IL1RAPL1: variants seen among roughly 807,000 people sequenced by gnomAD.
IL1RAPL1 encodes interleukin-1 receptor accessory protein-like 1.
A neutral mutation model predicts 48.4 loss-of-function variants in IL1RAPL1; 3 were observed. The ratio of observed to expected loss-of-function variants is 0.06; its 90% CI spans 0.03 to 0.16. The LOEUF is 0.16. IL1RAPL1 is among the 10% of genes least tolerant of loss of function. IL1RAPL1 has a pLI of 1.00. For missense variants in IL1RAPL1, 349 were observed against 530.6 expected (o/e 0.66, Z 3.36); for synonymous variants, 185 against 187.7 (o/e 0.99, Z 0.12).
chrX:29,577,251 C>T (rs1922807481), intron 5 of IL1RAPL1, among the ~76,000 whole-genome samples: 1 of 111,431 alleles, frequency 9.0e-6, no homozygotes, highest in Non-Finnish European at 1.9e-5. Flanking sequence ...ATAATTTATG[C>T]ACATTTTATA....
At chrX:29,367,067 A>G (rs1471134445) in intron 3 of IL1RAPL1, among the ~76,000 whole-genome samples, 1 of 111,477 alleles carries the variant, frequency 9.0e-6, no homozygotes, top group Non-Finnish European at 1.9e-5. Flanking sequence ...ATCTTAACAT[A>G]TATTGTTTAG....
chrX:29,748,887 G>A (rs1482602777), intron 6 of IL1RAPL1, among the ~76,000 whole-genome samples: 1 of 110,734 alleles, frequency 9.0e-6, no homozygotes, highest in Non-Finnish European at 1.9e-5. Context: ...CTGTTTTAGA[G>A]TCATCTAAAA....
Position 29,792,352 on chromosome X carries a change from CT to C in IL1RAPL1, c.778+123856del, listed in dbSNP as rs747276652. On this transcript the variant is annotated intron_variant, in intron 6 of 10. Coordinates refer to ENST00000378993, the MANE Select transcript of IL1RAPL1 (RefSeq NM_014271.4). ...AATCCCACATTTAGAGTTTTAATTT[CT>C]TTTTTTTAAATTAAACAACAGAAAT... Among the ~76,000 whole-genome samples, 11 of 111,395 alleles carry C rather than the reference CT, an allele frequency of 9.9e-5. No homozygotes were observed. In the East Asian group the frequency reaches 2.8e-3, roughly 29 times the overall value.
chrX:28,675,188 G>A (rs1056332338), intron 1 of IL1RAPL1, among the ~76,000 whole-genome samples: 1 of 111,240 alleles, frequency 9.0e-6, no homozygotes, highest in Admixed American at 9.6e-5. Flanking sequence ...GACAATAGCA[G>A]CAATGTATGG....
chrX:29,189,199 C>T (rs1002531241), intron 2 of IL1RAPL1, among the ~76,000 whole-genome samples: 4 of 112,017 alleles, frequency 3.6e-5, no homozygotes, highest in Non-Finnish European at 7.5e-5. Flanking sequence ...CATTTTGCAA[C>T]GTATTGCCAT....
At chrX:29,356,508 C>T (rs1349690917) in intron 3 of IL1RAPL1, among the ~76,000 whole-genome samples, 1 of 80,526 alleles carries the variant, frequency 1.2e-5, no homozygotes, top group Non-Finnish European at 2.5e-5. Context: ...TGCATATATA[C>T]ACACACATAT....
At chrX:29,640,411 G>C in intron 5 of IL1RAPL1, among the ~76,000 whole-genome samples, 1 of 112,215 alleles carries the variant, frequency 8.9e-6, no homozygotes, top group South Asian at 3.8e-4. Flanking sequence ...ATTTATGTCT[G>C]TGGCCCTGAT....
chrX:29,565,870 A>G (rs891658268), intron 5 of IL1RAPL1, among the ~76,000 whole-genome samples: 4 of 112,607 alleles, frequency 3.6e-5, no homozygotes, highest in Non-Finnish European at 7.5e-5. Context: ...ATGTGGTAAG[A>G]CATGTAATGA....
chrX:29,755,803 G>C (rs1203049206), intron 6 of IL1RAPL1, among the ~76,000 whole-genome samples: 1 of 112,245 alleles, frequency 8.9e-6, no homozygotes, highest in Non-Finnish European at 1.9e-5. Context: ...TTTTGTGAGT[G>C]ACATCACAAA....
At chrX:29,552,802 CTTTTT>C (rs765234944) in intron 5 of IL1RAPL1, among the ~76,000 whole-genome samples, 3 of 23,010 alleles carry the variant, frequency 1.3e-4, no homozygotes, top group African/African-American at 5.3e-4. Context: ...TTTCACTCTC[CTTTTT>C]TTTTTTTTTT....
chrX:29,571,710 C>T (rs944995545), intron 5 of IL1RAPL1, among the ~76,000 whole-genome samples: 2 of 111,463 alleles, frequency 1.8e-5, no homozygotes, highest in Non-Finnish European at 3.8e-5. Flanking sequence ...TTGTGGCATA[C>T]AGTTACATAT....
intron 5 of IL1RAPL1, among the ~76,000 whole-genome samples, chrX:29,412,273 A>G (rs1934153763): frequency 9.7e-6 from 1 of 102,605 alleles, no homozygotes; most frequent in Admixed American, 1.2e-4. Context: ...TCCATCAAAA[A>G]AAAAGAAAAA....
chrX:28,958,921 T>C (rs1332251162), intron 2 of IL1RAPL1, among the ~76,000 whole-genome samples: 1 of 111,673 alleles, frequency 9.0e-6, no homozygotes, highest in African/African-American at 3.2e-5. Context: ...AGTAATTAGA[T>C]GGGAATAAAA....
At chrX:28,769,941 C>T (rs866464107) in intron 1 of IL1RAPL1, among the ~76,000 whole-genome samples, 1 of 111,779 alleles carries the variant, frequency 8.9e-6, no homozygotes, top group Admixed American at 9.5e-5. Flanking sequence ...GAGAAGTTGA[C>T]CTCACAAAGA....
intron 2 of IL1RAPL1, among the ~76,000 whole-genome samples, chrX:28,932,815 A>T: frequency 9.0e-6 from 1 of 110,914 alleles, no homozygotes; most frequent in East Asian, 2.8e-4. Flanking sequence ...GTCCCTAAAT[A>T]ATATCCTACA....
At chrX:29,901,131 G>A (rs1471450245) in intron 6 of IL1RAPL1, among the ~76,000 whole-genome samples, 3 of 111,046 alleles carry the variant, frequency 2.7e-5, no homozygotes, top group South Asian at 7.7e-4. Context: ...TAAACTCCAG[G>A]GCATGCAGCT....
chrX:29,213,652 T>A (rs1415936415), intron 2 of IL1RAPL1, among the ~76,000 whole-genome samples: 1 of 112,903 alleles, frequency 8.9e-6, no homozygotes, highest in Non-Finnish European at 1.9e-5. Context: ...CCCACATACA[T>A]GTCTGTGCAT....
intron 5 of IL1RAPL1, among the ~76,000 whole-genome samples, chrX:29,597,086 T>C (rs1461917532): frequency 1.8e-5 from 2 of 111,235 alleles, no homozygotes; most frequent in East Asian, 5.6e-4. Flanking sequence ...GAAACCCACT[T>C]GATAATGGTG....
intron 5 of IL1RAPL1, among the ~76,000 whole-genome samples, chrX:29,440,163 T>C (rs1934531977): frequency 9.1e-6 from 1 of 110,345 alleles, no homozygotes; most frequent in South Asian, 3.8e-4. Context: ...TCCAGGGTTT[T>C]GCAGGTCACA....
Sources: allele counts gnomAD v4.1 joint callset (sites outside exome capture counted in the v4.1 genomes callset), GRCh38; gene constraint gnomAD v4.1.1; transcripts MANE v1.5; gene names NCBI Gene and HGNC (gene_info 2026-07-23, HGNC 2026-07-21).